FGF7: variants seen among roughly 807,000 people sequenced by gnomAD.
FGF7 encodes fibroblast growth factor 7.
In FGF7, 6 loss-of-function variants were observed where a neutral mutation model predicts 20.5. The observed-to-expected ratio is 0.29, with a 90% CI of 0.16 to 0.58. The LOEUF (loss-of-function observed/expected upper bound fraction) is 0.58. Ranked by LOEUF, FGF7 falls within the 20% of genes least tolerant of loss-of-function variation. The pLI is 0.90. For synonymous variants in FGF7, 64 were observed against 74.7 expected (o/e 0.86, Z 0.74); for missense variants, 144 against 228.8 (o/e 0.63, Z 2.39).
At chr15:49,457,315 C>T (rs1451841081) in intron 2 of FGF7, among the ~76,000 whole-genome samples, 3 of 151,832 alleles carry the variant, frequency 2.0e-5, no homozygotes, top group African/African-American at 4.8e-5. Flanking sequence ...ATCAAATCAG[C>T]GTGTAAACTA....
At chr15:49,439,031 G>A (rs1245995415) in intron 2 of FGF7, among the ~76,000 whole-genome samples, 1 of 151,864 alleles carries the variant, frequency 6.6e-6, no homozygotes, top group African/African-American at 2.4e-5. Context: ...TAGCTGAGTG[G>A]GTTGGTCTTA....
At chr15:49,466,633 T>C (rs1372262190) in intron 2 of FGF7, among the ~76,000 whole-genome samples, 3 of 152,062 alleles carry the variant, frequency 2.0e-5, no homozygotes, top group Non-Finnish European at 2.9e-5. Context: ...GAGGCAAAGG[T>C]CTAGCTAAGA....
intron 2 of FGF7, among the ~76,000 whole-genome samples, chr15:49,431,462 A>G (rs1381186317): frequency 6.6e-6 from 1 of 151,748 alleles, no homozygotes; most frequent in African/African-American, 2.4e-5. Flanking sequence ...ATGGGGAGTG[A>G]GAGAGGAGAA....
intron 2 of FGF7, among the ~76,000 whole-genome samples, chr15:49,449,824 C>T (rs1022110494): frequency 2.0e-5 from 3 of 151,568 alleles, no homozygotes; most frequent in East Asian, 3.9e-4. Flanking sequence ...TACATGTAAA[C>T]GAGATCAGAT....
At chr15:49,482,951 G>A (rs2413949) in intron 2 of FGF7, among the ~76,000 whole-genome samples, 200 bp from the exon 3 acceptor site, 4 of 151,742 alleles carry the variant, frequency 2.6e-5, no homozygotes, top group Admixed American at 1.3e-4. Context: ...AAAAACCATC[G>A]GTTTGCACTT....
chr15:49,483,000 G>A (rs1391209282), intron 2 of FGF7, 151 bp from the exon 3 acceptor site: 1 of 650,058 alleles, frequency 1.5e-6, no homozygotes, highest in Non-Finnish European at 2.8e-6. Context: ...GTGTGTATCT[G>A]TTGTGGGTCA....
At chr15:49,461,480 GCTAAT>G (rs2053792353) in intron 2 of FGF7, among the ~76,000 whole-genome samples, 1 of 152,142 alleles carries the variant, frequency 6.6e-6, no homozygotes, top group Non-Finnish European at 1.5e-5. Flanking sequence ...GCAGACTTTA[GCTAAT>G]CTGAGAAACT....
At chr15:49,464,178 T>C (rs2413946) in intron 2 of FGF7, among the ~76,000 whole-genome samples, 49,227 of 151,920 alleles carry the variant, frequency 0.32, 8,687 homozygotes, top group African/African-American at 0.45. Flanking sequence ...GGAGGGTAGG[T>C]AATCAGAATC....
At chr15:49,443,275 TTTC>T (rs2051850336) in intron 2 of FGF7, among the ~76,000 whole-genome samples, 3 of 151,654 alleles carry the variant, frequency 2.0e-5, no homozygotes, top group Admixed American at 1.3e-4. Context: ...TACTACTGAA[TTTC>T]TTTACTATTA....
At chr15:49,467,245 A>G (rs2054348481) in intron 2 of FGF7, among the ~76,000 whole-genome samples, 1 of 152,192 alleles carries the variant, frequency 6.6e-6, no homozygotes, top group African/African-American at 2.4e-5. Context: ...TCCTAGAGGT[A>G]GCTATGAACA....
chr15:49,434,682 A>G (rs934794695), intron 2 of FGF7: 3 of 151,610 alleles, frequency 2.0e-5, no homozygotes, highest in Non-Finnish European at 3.0e-5. Context: ...TTAAAAATAT[A>G]AGAACATTTA....
At chr15:49,470,653 C>T (rs2054656860) in intron 2 of FGF7, among the ~76,000 whole-genome samples, 1 of 152,028 alleles carries the variant, frequency 6.6e-6, no homozygotes, top group Non-Finnish European at 1.5e-5. Context: ...TCCATTGGGC[C>T]TGGAAGTTGA....
intron 2 of FGF7, among the ~76,000 whole-genome samples, chr15:49,434,104 G>A (rs1668124519): frequency 6.6e-6 from 1 of 151,502 alleles, no homozygotes; most frequent in African/African-American, 2.4e-5. Context: ...AGTGCCAGTA[G>A]CCTGATCTTC....
chr15:49,441,879 C>G (rs2051685138), intron 2 of FGF7, among the ~76,000 whole-genome samples: 1 of 151,084 alleles, frequency 6.6e-6, no homozygotes, highest in Admixed American at 6.6e-5. Flanking sequence ...GAGGAGGGAG[C>G]AACCTTCTCA....
At chr15:49,444,526 G>A (rs1331657978) in intron 2 of FGF7, among the ~76,000 whole-genome samples, 3 of 151,800 alleles carry the variant, frequency 2.0e-5, no homozygotes, top group Non-Finnish European at 3.0e-5. Context: ...ATTGTAGTAC[G>A]TGGGTCTAAT....
At chr15:49,474,773 G>A (rs776853478) in intron 2 of FGF7, among the ~76,000 whole-genome samples, 3 of 152,026 alleles carry the variant, frequency 2.0e-5, no homozygotes, top group East Asian at 1.9e-4. Flanking sequence ...TCATAGGAGC[G>A]TGAACCCTAT....
intron 2 of FGF7, among the ~76,000 whole-genome samples, chr15:49,442,245 A>C (rs528115004): frequency 3.3e-5 from 5 of 151,682 alleles, no homozygotes; most frequent in Non-Finnish European, 7.4e-5. Context: ...CCTAGACTAT[A>C]AACATCCATA....
intron 2 of FGF7, among the ~76,000 whole-genome samples, chr15:49,455,182 G>A (rs2053167498): frequency 6.6e-6 from 1 of 152,144 alleles, no homozygotes; most frequent in Non-Finnish European, 1.5e-5. Context: ...AATGTGACAG[G>A]CACCTCAAGT....
At chr15:49,450,086 A>G (rs1390898792) in intron 2 of FGF7, among the ~76,000 whole-genome samples, 1 of 152,148 alleles carries the variant, frequency 6.6e-6, no homozygotes, top group East Asian at 1.9e-4. Context: ...GACTGAGAAG[A>G]AACAAATTAA....
Sources: gnomAD v4.1 joint callset for allele counts (sites outside exome capture counted in the v4.1 genomes callset) on GRCh38, gnomAD v4.1.1 for gene constraint, MANE v1.5 for transcripts, NCBI Gene and HGNC (gene_info 2026-07-23, HGNC 2026-07-21) for gene names.